Variants in ZNF619 observed in about 807,000 individuals in gnomAD.
The protein encoded by ZNF619 is zinc finger protein 619.
Under a neutral mutation model 14.2 loss-of-function variants are expected in ZNF619, and 9 were observed. The observed-to-expected ratio is 0.64, with a 90% CI of 0.38 to 1.11. The LOEUF (loss-of-function observed/expected upper bound fraction) is 1.11, where lower values mean the gene tolerates loss of function less well. ZNF619 is among the 50% of genes least tolerant of loss of function. The probability of loss-of-function intolerance (pLI) is 0.01; values close to 1 mark genes in which losing one functional copy is unlikely to be tolerated. For synonymous variants in ZNF619, 246 were observed against 252.8 expected, an observed-to-expected ratio of 0.97 and a Z score of 0.26; for missense variants, 659 against 680.1, an observed-to-expected ratio of 0.97 and a Z score of 0.34.
chr3:40,486,551 A>G (rs1459796539), intron 4 of ZNF619, among the ~76,000 whole-genome samples: 1 of 152,074 alleles, frequency 6.6e-6, no homozygotes, highest in Non-Finnish European at 1.5e-5. Flanking sequence ...AATACAAAAA[A>G]TTAGCCGGGT....
chr3:40,485,659 G>A (rs1697557282), intron 4 of ZNF619, among the ~76,000 whole-genome samples: 1 of 151,974 alleles, frequency 6.6e-6, no homozygotes, highest in Non-Finnish European at 1.5e-5. Context: ...CTGTGTGTGT[G>A]TGTGTGTGTG....
Position 40,481,971 on chromosome 3 carries a change from T to C in ZNF619, c.133T>C (p.Tyr45His), listed in dbSNP as rs2125636980. 6.2e-7 allele frequency: 1 copy of C among 1,610,878 alleles called. No homozygotes were observed. The highest frequency in any genetic ancestry group is 8.5e-7 in the Non-Finnish European group (1 of 1,179,052). Residue 45 changes from tyrosine to histidine, a missense_variant, in exon 3 of 5, where the codon TAC becomes CAC. Physicochemically the swap from Tyr to His is moderately conservative, Grantham distance 83. Coordinates refer to ENST00000432264, the MANE Select transcript of ZNF619 (RefSeq NM_001145093.4). The stretch of plus-strand genomic sequence containing the variant: ...CCTGCACCCTACGCAGAGGGCCCTA[T>C]ACAGGGAGGTGATGCTGGAGAATTA... ...ASLHPTQRALYREVMLENYAN... is the reference protein window; with the variant it reads ...ASLHPTQRALHREVMLENYAN...
At chr3:40,483,735 T>C (rs1368730241) in intron 4 of ZNF619, 4 of 408,760 alleles carry the variant, frequency 9.8e-6, no homozygotes, top group South Asian at 6.9e-5. Flanking sequence ...TACAAGCGAT[T>C]CTCCTGCCTC....
At position 40,490,964 on chromosome 3, in the gene ZNF619, A is replaced by G. The variant is rs1468054960; in HGVS notation, c.*2723A>G. Among the ~76,000 whole-genome samples, 1 of 152,168 alleles carries G rather than the reference A, an allele frequency of 6.6e-6. No homozygotes were observed. The highest frequency in any genetic ancestry group is 1.9e-4 in the East Asian group (1 of 5,188). On this transcript the variant is annotated 3_prime_UTR_variant, in exon 5 of 5. Coordinates refer to ENST00000432264, the MANE Select transcript of ZNF619 (RefSeq NM_001145093.4). ...GCCATGTGATGCTTTCCATCATGTT[A>G]TGACACAGCAAGAAGGCCAGATACG... is the stretch of plus-strand genomic sequence containing the variant.
At chr3:40,482,346 A>G in intron 3 of ZNF619, 3 of 1,556,320 alleles carry the variant, frequency 1.9e-6, no homozygotes, top group Non-Finnish European at 2.6e-6. Context: ...CCTATTGCCT[A>G]TGTGTGAGTC....
chr3:40,485,670 T>TGC lies in ZNF619; in HGVS notation c.296-1135_296-1134insCG, dbSNP rs553184876. Among the ~76,000 whole-genome samples, 5 of 152,208 alleles carry TGC rather than the reference T, an allele frequency of 3.3e-5. No individual in the cohort carries two copies. The South Asian group carries it at 1.0e-3, about 32-fold the overall frequency. ...TCAGCTGTGTGTGTGTGTGTGTGTG[T>TGC]GTGCACATGTCTGTATTGTTTTAGG... On this transcript the variant is annotated intron_variant, in intron 4 of 4. Transcript: ENST00000432264.
chr3:40,486,168 G>A (rs369628566), intron 4 of ZNF619, among the ~76,000 whole-genome samples: 1 of 152,220 alleles, frequency 6.6e-6, no homozygotes, highest in African/African-American at 2.4e-5. Flanking sequence ...CTCTTCTCTG[G>A]TTTAGAGATT....
At position 40,487,523 on chromosome 3, in the gene ZNF619, A is replaced by G. The variant is rs1302131743; in HGVS notation, c.1013A>G (p.His338Arg). ...SYDCIIHERI[H>R]NGEKPYECKE... ...GACTGCATCATCCATGAACGAATTC[A>G]CAATGGGGAGAAGCCCTATGAATGT... The change falls in exon 5 of 5, where the codon CAC becomes CGC. Residue 338 changes from histidine (H) to arginine (R), a missense_variant. By Grantham distance (29) the His-to-Arg change is conservative. Transcript: ENST00000432264. 6 of 1,614,128 alleles carry G rather than the reference A, an allele frequency of 3.7e-6. No individual in the cohort carries two copies. In the Admixed American group the frequency reaches 1.0e-4, roughly 27 times the overall value.
rs147556037 is a variant in ZNF619 at position 40,482,385 on chromosome 3, AGTGACTCTG to A, written c.179-201_179-193del. 14,851 of 1,582,784 alleles carry A rather than the reference AGTGACTCTG, an allele frequency of 9.4e-3. 391 individuals carry two copies. The African/African-American group carries it at 0.094, about 10-fold the overall frequency. Reference sequence around the variant, plus strand: ...TAGGGCCCTCGTGTACACACCCCCCAGTGACTCTGGGAGCATTCTGTCCTCTTAGAGGCC... The same window carrying A: ...TAGGGCCCTCGTGTACACACCCCCCAGGAGCATTCTGTCCTCTTAGAGGCC... On this transcript the variant is annotated intron_variant, in intron 3 of 4. Transcript: ENST00000432264.
chr3:40,478,089 C>T, intron 2 of ZNF619, 86 bp downstream of exon 2: 3 of 1,318,736 alleles, frequency 2.3e-6, no homozygotes, highest in South Asian at 1.3e-5. Flanking sequence ...TGGCCAGTCT[C>T]ATGCTTAGTT....
chr3:40,479,376 T>C (rs762994351), intron 2 of ZNF619, among the ~76,000 whole-genome samples: 10 of 152,224 alleles, frequency 6.6e-5, no homozygotes, highest in Non-Finnish European at 1.5e-4. Flanking sequence ...TGTCAGTCTT[T>C]GCTACAATCT....
chr3:40,479,458 C>A (rs1465957445), intron 2 of ZNF619, among the ~76,000 whole-genome samples: 1 of 152,168 alleles, frequency 6.6e-6, no homozygotes, highest in Non-Finnish European at 1.5e-5. Context: ...GTAGTAAGTG[C>A]TGAGATTTAG....
At position 40,482,585 on chromosome 3, in the gene ZNF619, T is replaced by C. The variant is rs1697442072; in HGVS notation, c.179-3T>C. 6.2e-7 allele frequency: 1 copy of C among 1,613,652 alleles called. No individual in the cohort carries two copies. Among genetic ancestry groups the C allele is most frequent in the Non-Finnish European group, 8.5e-7 (1 of 1,179,690 alleles). On this transcript the variant is annotated splice_region_variant and splice_polypyrimidine_tract_variant and intron_variant, in intron 3 of 4. Transcript: ENST00000432264. ...CTTCATGTTCCTTTTCTTTCTCCTG[T>C]AGCAGCATTTCCATTCCCCAAACCA...
intron 4 of ZNF619, 135 bp from the exon 5 acceptor site, chr3:40,486,670 CA>C: frequency 1.6e-6 from 1 of 619,688 alleles, no homozygotes; most frequent in Admixed American, 3.4e-5. Flanking sequence ...CATTGCACTC[CA>C]GCCTGGGCAA....
rs138875131 is a variant in ZNF619, at chr3:40,486,558, G to A, written c.296-248G>A. Among the ~76,000 whole-genome samples, 839 of 152,184 alleles carry A rather than the reference G, an allele frequency of 5.5e-3. 4 individuals are homozygous for A. The highest frequency in any genetic ancestry group is 0.018 in the African/African-American group (761 of 41,518). The stretch of plus-strand genomic sequence containing the variant: ...CTATGAAAAATACAAAAAATTAGCC[G>A]GGTGTGGTGGCACATGCCTGTAATC... On this transcript the variant is annotated intron_variant, in intron 4 of 4. Transcript: ENST00000432264.
At position 40,488,437 on chromosome 3, in the gene ZNF619, A is replaced by T; in HGVS notation, c.*196A>T. On this transcript the variant is annotated 3_prime_UTR_variant, in exon 5 of 5. Transcript: ENST00000432264. Reference sequence around the variant, plus strand: ...CCCCCGGTAGGAAATGGCAGTACTTATTCTTTATCGTGTCCACATTTGGGC... The same window carrying T: ...CCCCCGGTAGGAAATGGCAGTACTTTTTCTTTATCGTGTCCACATTTGGGC... 1 of 559,498 alleles carries T rather than the reference A, an allele frequency of 1.8e-6. No individual in the cohort carries two copies. Among genetic ancestry groups the T allele is most frequent in the Non-Finnish European group, 3.1e-6 (1 of 319,150 alleles). The allele number at this position is 559,498 out of a possible 1,614,324, so 34.7% of individuals were successfully genotyped here.
chr3:40,485,287 T>A lies in ZNF619; in HGVS notation c.296-1519T>A, dbSNP rs1430522649. Among the ~76,000 whole-genome samples the A allele has an allele frequency of 4.6e-5, 7 of 151,066 alleles. No individual in the cohort carries two copies. In the South Asian group the frequency reaches 1.5e-3, roughly 32 times the overall value. On this transcript the variant is annotated intron_variant, in intron 4 of 4. Coordinates refer to ENST00000432264, the MANE Select transcript of ZNF619 (RefSeq NM_001145093.4). ...ATAAAGACTAAAGTAGTATAAAGTC[T>A]ATTGTGAATGCATCATTTTTTTTTT...
At position 40,487,190 on chromosome 3, in the gene ZNF619, C is replaced by G. The variant is rs1697624756; in HGVS notation, c.680C>G (p.Thr227Ser). The change falls in exon 5 of 5, where the codon ACT (threonine) becomes AGT (serine). Residue 227 changes from threonine to serine, a missense_variant. Transcript: ENST00000432264. The stretch of plus-strand genomic sequence containing the variant: ...TTTCACCTGCATCAGAGAGTTCACA[C>G]TAATGAGAAGCCCTACACATGCAAA... ...SDFHLHQRVH[T>S]NEKPYTCKEC... 1 of 1,614,078 alleles carries G rather than the reference C, an allele frequency of 6.2e-7. No individual in the cohort carries two copies. Among genetic ancestry groups the G allele is most frequent in the African/African-American group, 1.3e-5 (1 of 74,932 alleles).
At chr3:40,477,670 A>G in intron 1 of ZNF619, 1 of 366,650 alleles carries the variant, frequency 2.7e-6, no homozygotes, top group East Asian at 5.5e-5. Flanking sequence ...AAAAACAGCC[A>G]CGAATCCACT....
Sources: allele counts gnomAD v4.1 joint callset (sites outside exome capture counted in the v4.1 genomes callset), GRCh38; gene constraint gnomAD v4.1.1; transcripts MANE v1.5; gene names NCBI Gene and HGNC (gene_info 2026-07-23, HGNC 2026-07-21).